RBFOX1: variants seen among roughly 807,000 people sequenced by gnomAD.
RBFOX1 encodes the protein RNA binding fox-1 homolog 1, also known as RNA binding protein fox-1 homolog 1.
Under a neutral mutation model 57.7 loss-of-function variants are expected in RBFOX1, and 8 were observed. The observed-to-expected ratio is 0.14, with a 90% CI of 0.08 to 0.25. The LOEUF (loss-of-function observed/expected upper bound fraction) is 0.25, where lower values mean the gene tolerates loss of function less well. Ranked by LOEUF, RBFOX1 falls within the 10% of genes least tolerant of loss-of-function variation. RBFOX1 has a pLI of 1.00. For synonymous variants in RBFOX1, 326 were observed against 222.4 expected (o/e 1.47, Z -4.15); for missense variants, 611 against 548.5 (o/e 1.11, Z -1.14).
chr16:6,295,167 A>G (rs1039839026), intron 1 of RBFOX1, among the ~76,000 whole-genome samples: 2 of 140,480 alleles, frequency 1.4e-5, no homozygotes, highest in Non-Finnish European at 3.0e-5. Flanking sequence ...CTCCATCGCC[A>G]GGCTGGAGTG....
At chr16:7,540,992 G>T (rs1329092850) in intron 5 of RBFOX1, among the ~76,000 whole-genome samples, 2 of 152,162 alleles carry the variant, frequency 1.3e-5, no homozygotes, top group African/African-American at 4.8e-5. Context: ...AGCTCTCTCA[G>T]AGGTTCAAGT....
chr16:6,985,128 C>G (rs1291868514), intron 3 of RBFOX1, among the ~76,000 whole-genome samples: 7 of 152,136 alleles, frequency 4.6e-5, no homozygotes, highest in Non-Finnish European at 8.8e-5. Context: ...CTACCCTACC[C>G]TACCCTACCC....
intron 3 of RBFOX1, among the ~76,000 whole-genome samples, chr16:6,826,657 T>C (rs372730326): frequency 6.6e-6 from 1 of 152,086 alleles, no homozygotes; most frequent in African/African-American, 2.4e-5. Context: ...TTTTTTTCTT[T>C]GTTTGCTACC....
At chr16:6,153,398 G>A (rs956918840) in intron 1 of RBFOX1, among the ~76,000 whole-genome samples, 22 of 152,054 alleles carry the variant, frequency 1.4e-4, no homozygotes, top group Non-Finnish European at 4.4e-5. Context: ...TTTAAATATG[G>A]AAACACACAA....
chr16:5,429,274 G>A (rs559161301), intron 1 of RBFOX1, among the ~76,000 whole-genome samples: 5 of 152,188 alleles, frequency 3.3e-5, no homozygotes. Flanking sequence ...AGCTCTCTGG[G>A]ACTGCTGGCC....
At chr16:5,813,621 G>C (rs2055514577) in intron 3 of RBFOX1, among the ~76,000 whole-genome samples, 1 of 152,156 alleles carries the variant, frequency 6.6e-6, no homozygotes, top group Non-Finnish European at 1.5e-5. Context: ...TCTCACTATT[G>C]AGTTTTAAGT....
At chr16:5,499,975 G>A (rs2043130663) in intron 2 of RBFOX1, among the ~76,000 whole-genome samples, 1 of 152,038 alleles carries the variant, frequency 6.6e-6, no homozygotes, top group African/African-American at 2.4e-5. Flanking sequence ...TACATTTGAG[G>A]CATTTCACTC....
chr16:6,543,800 A>G (rs746579069), intron 2 of RBFOX1, among the ~76,000 whole-genome samples: 14 of 152,148 alleles, frequency 9.2e-5, no homozygotes, highest in Admixed American at 3.9e-4. Flanking sequence ...GTGTCACTAC[A>G]GAGTCTACCC....
intron 2 of RBFOX1, among the ~76,000 whole-genome samples, chr16:6,617,683 C>A (rs1325585536): frequency 1.3e-5 from 2 of 152,084 alleles, no homozygotes; most frequent in Admixed American, 1.3e-4. Flanking sequence ...AGGGAGCCTG[C>A]AGTCTTGTGG....
At chr16:6,109,259 C>A (rs545767888) in intron 1 of RBFOX1, among the ~76,000 whole-genome samples, 1 of 152,210 alleles carries the variant, frequency 6.6e-6, no homozygotes, top group East Asian at 1.9e-4. Context: ...CAGTGAAAAG[C>A]ATTTCTTGAT....
Position 6,510,441 on chromosome 16 carries a change from C to T in RBFOX1, c.-63-144162C>T, listed in dbSNP as rs986315791. Among the ~76,000 whole-genome samples, 3 of 152,110 alleles carry T rather than the reference C, an allele frequency of 2.0e-5. No homozygotes were observed. In the East Asian group the frequency reaches 5.8e-4, roughly 29 times the overall value. ...GCTGAGTCCCTGACCTGGCTAAGCTCCCTCACTAAGAAAGATGTGATTTTG... is the reference window on the plus strand; with the variant it reads ...GCTGAGTCCCTGACCTGGCTAAGCTTCCTCACTAAGAAAGATGTGATTTTG... On this transcript the variant is annotated intron_variant, in intron 2 of 15. Coordinates refer to ENST00000550418, the MANE Select transcript of RBFOX1 (RefSeq NM_018723.4).
intron 4 of RBFOX1, among the ~76,000 whole-genome samples, chr16:5,991,244 A>T (rs2060389842): frequency 6.6e-6 from 1 of 152,128 alleles, no homozygotes; most frequent in South Asian, 2.1e-4. Context: ...AGGAGCAGCA[A>T]AGTTCTAGCA....
intron 2 of RBFOX1, among the ~76,000 whole-genome samples, chr16:5,512,922 T>C (rs1172208429): frequency 3.3e-5 from 5 of 152,172 alleles, no homozygotes; most frequent in Non-Finnish European, 7.4e-5. Flanking sequence ...TCTCAGACTT[T>C]CCTTGTTTTT....
intron 2 of RBFOX1, among the ~76,000 whole-genome samples, chr16:6,586,985 A>G (rs1210343899): frequency 6.6e-6 from 1 of 152,112 alleles, no homozygotes; most frequent in Non-Finnish European, 1.5e-5. Flanking sequence ...AGTTAAATTA[A>G]TACATGCATT....
At chr16:6,955,959 G>A (rs902631203) in intron 3 of RBFOX1, among the ~76,000 whole-genome samples, 10 of 150,968 alleles carry the variant, frequency 6.6e-5, no homozygotes, top group Non-Finnish European at 4.4e-5. Context: ...AACCACCTTG[G>A]CCTCCCGAAG....
intron 3 of RBFOX1, among the ~76,000 whole-genome samples, chr16:6,966,520 G>C (rs960574255): frequency 6.6e-6 from 1 of 152,196 alleles, no homozygotes; most frequent in Non-Finnish European, 1.5e-5. Flanking sequence ...GGCGGACGGG[G>C]GAAGACTGAG....
chr16:6,554,747 C>G (rs1163281434), intron 2 of RBFOX1, among the ~76,000 whole-genome samples: 5 of 149,852 alleles, frequency 3.3e-5, no homozygotes, highest in African/African-American at 1.3e-4. Context: ...CACACACACA[C>G]ACACACACAC....
At chr16:6,962,705 T>G (rs1002996786) in intron 3 of RBFOX1, among the ~76,000 whole-genome samples, 4 of 151,890 alleles carry the variant, frequency 2.6e-5, no homozygotes, top group African/African-American at 9.7e-5. Flanking sequence ...CCTCTACAAA[T>G]AGTAAAAAAT....
intron 2 of RBFOX1, among the ~76,000 whole-genome samples, chr16:6,641,894 C>T (rs2098493734): frequency 6.6e-6 from 1 of 152,052 alleles, no homozygotes; most frequent in Non-Finnish European, 1.5e-5. Flanking sequence ...GGGGAACACA[C>T]ACACCACTGA....
Sources: allele counts gnomAD v4.1 joint callset (sites outside exome capture counted in the v4.1 genomes callset), GRCh38; gene constraint gnomAD v4.1.1; transcripts MANE v1.5; gene names NCBI Gene and HGNC (gene_info 2026-07-23, HGNC 2026-07-21).